EBPL: variants seen among roughly 807,000 people sequenced by gnomAD.
EBPL encodes the protein emopamil-binding protein-like.
A neutral mutation model predicts 19.0 loss-of-function variants in EBPL; 20 were observed. The ratio of observed to expected loss-of-function variants is 1.05; its 90% CI spans 0.74 to 1.53. The LOEUF (loss-of-function observed/expected upper bound fraction) is 1.53, where lower values mean the gene tolerates loss of function less well. EBPL is among the 40% of genes most tolerant of loss of function. EBPL has a pLI of 0.00. For synonymous variants in EBPL, 107 were observed against 117.0 expected (o/e 0.91, Z 0.55); for missense variants, 219 against 261.1 (o/e 0.84, Z 1.11).
At chr13:49,673,684 G>A (rs944836036) in intron 1 of EBPL, among the ~76,000 whole-genome samples, 1 of 152,114 alleles carries the variant, frequency 6.6e-6, no homozygotes, top group Non-Finnish European at 1.5e-5. Context: ...CGATCCACTC[G>A]CCTCAGCCTC....
intron 1 of EBPL, among the ~76,000 whole-genome samples, chr13:49,674,312 C>T (rs1274861176): frequency 6.6e-6 from 1 of 152,086 alleles, no homozygotes; most frequent in Non-Finnish European, 1.5e-5. Context: ...CCATGTTGGC[C>T]AGGCTGGTCT....
At chr13:49,683,556 A>G (rs1237497139) in intron 1 of EBPL, among the ~76,000 whole-genome samples, 1 of 50,304 alleles carries the variant, frequency 2.0e-5, no homozygotes, top group African/African-American at 4.3e-5. Context: ...CAAAAAAAAC[A>G]AAAACAAAAA....
At chr13:49,689,142 G>C (rs1401437679) in intron 1 of EBPL, among the ~76,000 whole-genome samples, 1 of 152,084 alleles carries the variant, frequency 6.6e-6, no homozygotes, top group East Asian at 1.9e-4. Flanking sequence ...AAAAAATGTG[G>C]GTCTTAGACT....
At position 49,678,634 on chromosome 13, in the gene EBPL, G is replaced by A. The variant is rs1014786978; in HGVS notation, c.172-8788C>T. 5.3e-5 allele frequency among the ~76,000 whole-genome samples: 8 copies of A among 151,828 alleles called. No individual in the cohort carries two copies. In the East Asian group the frequency reaches 7.9e-4, roughly 15 times the overall value. On this transcript the variant is annotated intron_variant, in intron 1 of 3. Coordinates refer to ENST00000242827, the MANE Select transcript of EBPL (RefSeq NM_032565.5). The stretch of plus-strand genomic sequence containing the variant: ...AGAACTCTGCCCGGGAGCGCCGTGC[G>A]CAGCCCGGGTTCTCGCCGGCGCCTC...
At chr13:49,689,582 C>G (rs1954038072) in intron 1 of EBPL, among the ~76,000 whole-genome samples, 1 of 152,174 alleles carries the variant, frequency 6.6e-6, no homozygotes. Context: ...CTCCTGACCT[C>G]GTGATCCACC....
At chr13:49,671,388 C>T (rs1417118895) in intron 1 of EBPL, among the ~76,000 whole-genome samples, 1 of 152,154 alleles carries the variant, frequency 6.6e-6, no homozygotes, top group Non-Finnish European at 1.5e-5. Context: ...ATTTCCCCAC[C>T]TCGGCCTCCC....
intron 1 of EBPL, among the ~76,000 whole-genome samples, chr13:49,674,721 G>A (rs1482831940): frequency 6.6e-6 from 1 of 152,072 alleles, no homozygotes; most frequent in East Asian, 1.9e-4. Context: ...GAAGATGAGG[G>A]AGCTGTAGCT....
At chr13:49,665,280 C>T (rs1965210330) in intron 2 of EBPL, among the ~76,000 whole-genome samples, 1 of 151,754 alleles carries the variant, frequency 6.6e-6, no homozygotes, top group African/African-American at 2.4e-5. Flanking sequence ...TCAGCTAATA[C>T]TGACTGACTG....
chr13:49,678,712 CAG>C (rs1332778628), intron 1 of EBPL, among the ~76,000 whole-genome samples: 5 of 152,216 alleles, frequency 3.3e-5, no homozygotes, highest in African/African-American at 1.2e-4. Context: ...GCGGCCAGCC[CAG>C]AGAGGGGCTC....
intron 2 of EBPL, among the ~76,000 whole-genome samples, chr13:49,664,268 T>A (rs1006871068): frequency 1.3e-5 from 2 of 152,060 alleles, no homozygotes; most frequent in Non-Finnish European, 2.9e-5. Context: ...AACAACACGT[T>A]TATTAATAAC....
chr13:49,682,867 C>T (rs1953956369), intron 1 of EBPL, among the ~76,000 whole-genome samples: 1 of 152,158 alleles, frequency 6.6e-6, no homozygotes, highest in Middle Eastern at 3.2e-3. Context: ...ATCCCAAAGG[C>T]CCTTGTTCTT....
chr13:49,669,122 A>G (rs34187122), intron 2 of EBPL, among the ~76,000 whole-genome samples: 3,143 of 152,124 alleles, frequency 0.021, 40 homozygotes, highest in South Asian at 0.029. Context: ...CTGGTGATCT[A>G]CCTGCCTCAG....
intron 1 of EBPL, among the ~76,000 whole-genome samples, chr13:49,678,439 T>C (rs1326785073): frequency 1.1e-4 from 17 of 152,144 alleles, no homozygotes; most frequent in Admixed American, 1.1e-3. Flanking sequence ...GGGCTGCAAG[T>C]TCCGAGCCCT....
At chr13:49,661,833 A>C in intron 3 of EBPL, 1 of 1,550,032 alleles carries the variant, frequency 6.5e-7, no homozygotes, top group Non-Finnish European at 8.7e-7. Context: ...CTTCATTACA[A>C]GATGGTGGAA....
chr13:49,664,839 G>A (rs1437843802), intron 2 of EBPL, among the ~76,000 whole-genome samples: 3 of 152,062 alleles, frequency 2.0e-5, no homozygotes, highest in African/African-American at 7.2e-5. Flanking sequence ...AAGAGGATTA[G>A]CTATTTAATG....
intron 1 of EBPL, among the ~76,000 whole-genome samples, chr13:49,670,676 G>C (rs73499244): frequency 1.4e-3 from 216 of 152,284 alleles, no homozygotes; most frequent in African/African-American, 5.1e-3. Context: ...AGCAGGAAAA[G>C]CTATTGTTTG....
intron 1 of EBPL, among the ~76,000 whole-genome samples, chr13:49,672,534 G>A (rs551402732): frequency 1.1e-4 from 17 of 152,144 alleles, no homozygotes; most frequent in African/African-American, 4.1e-4. Flanking sequence ...GCTAATAAGC[G>A]TTTCCTAAAA....
intron 3 of EBPL, 57 bp from the exon 4 acceptor site, chr13:49,661,265 G>T: frequency 7.2e-7 from 1 of 1,380,664 alleles, no homozygotes; most frequent in Non-Finnish European, 1.0e-6. Context: ...TTTGGCATCA[G>T]AGTCATGACA....
chr13:49,687,952 T>C (rs1566323633), intron 1 of EBPL, among the ~76,000 whole-genome samples: 1 of 152,204 alleles, frequency 6.6e-6, no homozygotes, highest in Non-Finnish European at 1.5e-5. Flanking sequence ...CACTACAGAA[T>C]ACAATTCTTA....
Sources: gnomAD v4.1 joint callset for allele counts (sites outside exome capture counted in the v4.1 genomes callset) on GRCh38, gnomAD v4.1.1 for gene constraint, MANE v1.5 for transcripts, NCBI Gene and HGNC (gene_info 2026-07-23, HGNC 2026-07-21) for gene names.